DDX27: variants seen among roughly 807,000 people sequenced by gnomAD.
DDX27 encodes the protein DEAD-box helicase 27.
In DDX27, 42 loss-of-function variants were observed where a neutral mutation model predicts 99.3. The observed-to-expected ratio is 0.42, with a 90% CI of 0.33 to 0.55. The LOEUF (loss-of-function observed/expected upper bound fraction) is 0.55. DDX27 is among the 20% of genes least tolerant of loss of function. The pLI, the probability that DDX27 is intolerant of heterozygous loss-of-function variation, is 0.07. For missense variants in DDX27, 798 were observed against 976.8 expected (o/e 0.82, Z 2.44); for synonymous variants, 329 against 353.8 (o/e 0.93, Z 0.79).
chr20:49,225,195 T>C lies in DDX27; in HGVS notation c.596T>C (p.Leu199Pro). 1.2e-6 allele frequency: 2 copies of C among 1,613,810 alleles called. No homozygotes were observed. Among genetic ancestry groups the C allele is most frequent in the Admixed American group, 1.7e-5 (1 of 60,010 alleles). The change falls in exon 6 of 21, where the codon CTG becomes CCG. Residue 199 changes from leucine to proline, a missense_variant. By Grantham distance (98) the Leu-to-Pro change is moderately conservative. Around this residue, in one of 2 missense-constraint regions of DDX27, gnomAD observed 245 missense variants for 248.8 expected, o/e 0.98. Coordinates refer to ENST00000618172, the MANE Select transcript of DDX27 (RefSeq NM_017895.8). ...FQDMNLSRPL[L>P]KAITAMGFKQ... Reference sequence around the variant, plus strand: ...GACATGAACCTTTCCCGCCCTCTTCTGAAGGTAGCAGCTTCTTGTCAAAAA... The same window carrying C: ...GACATGAACCTTTCCCGCCCTCTTCCGAAGGTAGCAGCTTCTTGTCAAAAA...
chr20:49,224,845 A>C, intron 4 of DDX27, 100 bp from the exon 5 acceptor site: 1 of 1,320,380 alleles, frequency 7.6e-7, no homozygotes, highest in Non-Finnish European at 1.1e-6. Flanking sequence ...GTCACCCCTC[A>C]GAGGCTGAAG....
At position 49,230,312 on chromosome 20, in the gene DDX27, A is replaced by C. The variant is rs759850375; in HGVS notation, c.994A>C (p.Ser332Arg). ...CCACAACTGCCCTTCCTTCCACCTGAGCAGCATCGAGGTGCTCATCCTGGA... is the reference window on the plus strand; with the variant it reads ...CCACAACTGCCCTTCCTTCCACCTGCGCAGCATCGAGGTGCTCATCCTGGA... The part of the protein sequence containing the change: ...HLHNCPSFHL[S>R]SIEVLILDEA... Residue 332 changes from serine to arginine, a missense_variant, in exon 9 of 21, where the codon AGC becomes CGC. Ser to Arg is a moderately radical substitution (Grantham distance 110). Around this residue, in one of 2 missense-constraint regions of DDX27, gnomAD observed 553 missense variants for 727.9 expected, o/e 0.76. Coordinates refer to ENST00000618172, the MANE Select transcript of DDX27 (RefSeq NM_017895.8). The C allele has an allele frequency of 1.1e-5, 17 of 1,611,136 alleles. No individual in the cohort carries two copies. Among genetic ancestry groups the C allele is most frequent in the Non-Finnish European group, 1.4e-5 (17 of 1,179,960 alleles).
chr20:49,224,140 G>A (rs776975687), intron 4 of DDX27, among the ~76,000 whole-genome samples: 42 of 151,826 alleles, frequency 2.8e-4, no homozygotes, highest in Non-Finnish European at 5.7e-4. Flanking sequence ...ACCTCTAAAA[G>A]TGCTGGCATT....
intron 7 of DDX27, among the ~76,000 whole-genome samples, chr20:49,227,770 T>G (rs1979952616): frequency 6.6e-6 from 1 of 152,188 alleles, no homozygotes; most frequent in East Asian, 1.9e-4. Flanking sequence ...CATTTTCATT[T>G]AATCCTCTTG....
intron 7 of DDX27, among the ~76,000 whole-genome samples, chr20:49,227,468 G>A (rs1290072724): frequency 1.3e-5 from 2 of 152,028 alleles, no homozygotes; most frequent in African/African-American, 4.8e-5. Context: ...CTGTGTTCAG[G>A]TGATTCTCCT....
At chr20:49,225,344 A>T in intron 6 of DDX27, 145 bp downstream of exon 6, 1 of 696,390 alleles carries the variant, frequency 1.4e-6, no homozygotes, top group Non-Finnish European at 2.5e-6. Context: ...CCTGGCCAGT[A>T]GTGGCTTATT....
At chr20:49,230,018 A>C (rs1224532554) in intron 8 of DDX27, among the ~76,000 whole-genome samples, 181 bp from the exon 9 acceptor site, 1 of 152,030 alleles carries the variant, frequency 6.6e-6, no homozygotes. Context: ...CACAATTTTA[A>C]TGACATGATC....
chr20:49,225,160 C>G lies in DDX27; in HGVS notation c.561C>G (p.Leu187=), dbSNP rs765061022. The change falls in exon 6 of 21, where the codon CTC becomes CTG. Residue 187 remains leucine (L), a synonymous_variant. Coordinates refer to ENST00000618172, the MANE Select transcript of DDX27 (RefSeq NM_017895.8). The stretch of plus-strand genomic sequence containing the variant: ...ATGCATCTCAGTACGATGAAAACCT[C>G]TCGTTCCAGGACATGAACCTTTCCC... The part of the protein sequence containing the change: ...FEDASQYDEN[L]SFQDMNLSRP... The G allele has an allele frequency of 6.2e-7, 1 of 1,614,134 alleles. No homozygotes were observed. The highest frequency in any genetic ancestry group is 1.3e-5 in the African/African-American group (1 of 75,048).
At chr20:49,234,828 G>A in intron 11 of DDX27, 107 bp from the exon 12 acceptor site, 1 of 1,349,796 alleles carries the variant, frequency 7.4e-7, no homozygotes, top group Non-Finnish European at 1.0e-6. Context: ...GACAGTGCCT[G>A]TCTATCCAGT....
rs1207571266 is a variant in DDX27 at position 49,221,324 on chromosome 20, C to T, written c.94-128C>T. 3.7e-5 allele frequency: 38 copies of T among 1,025,694 alleles called. 1 individual carries two copies. The Admixed American group carries it at 9.2e-4, about 25-fold the overall frequency. The allele number at this position is 1,025,694 out of a possible 1,614,324, so 63.5% of individuals were successfully genotyped here. A position where few individuals can be genotyped will look rare whatever the true frequency, so the allele number is the denominator to read the frequency against. On this transcript the variant is annotated intron_variant, in intron 1 of 20. Transcript: ENST00000618172. ...GTCAGGCTGGTCTTGAACTCCTGACCTTGTCTGCGTGCCTTCGCCTCCTAA... is the reference window on the plus strand; with the variant it reads ...GTCAGGCTGGTCTTGAACTCCTGACTTTGTCTGCGTGCCTTCGCCTCCTAA...
rs375806974 is a variant in DDX27 at position 49,235,101 on chromosome 20, G to T, written c.1427+13G>T. 2 of 1,589,918 alleles carry T rather than the reference G, an allele frequency of 1.3e-6. No individual in the cohort carries two copies. Among genetic ancestry groups the T allele is most frequent in the Non-Finnish European group, 1.7e-6 (2 of 1,167,806 alleles). ...TGGAGGCCCTCCGGTAACATTTGGG[G>T]TGGGGACTGAGGCTCCCACCATCCT... On this transcript the variant is annotated intron_variant, in intron 12 of 20. Coordinates refer to ENST00000618172, the MANE Select transcript of DDX27 (RefSeq NM_017895.8).
intron 9 of DDX27, among the ~76,000 whole-genome samples, chr20:49,231,645 T>C (rs747886137): frequency 2.0e-5 from 3 of 152,144 alleles, no homozygotes; most frequent in Non-Finnish European, 4.4e-5. Context: ...ATTACTATTA[T>C]GTATAAAGAG....
At chr20:49,233,218 C>A in intron 9 of DDX27, 88 bp from the exon 10 acceptor site, 2 of 892,108 alleles carry the variant, frequency 2.2e-6, no homozygotes, top group Non-Finnish European at 3.6e-6. Flanking sequence ...CCAATGACAA[C>A]AAACAGCAGC....
chr20:49,222,005 C>A (rs911333894), intron 2 of DDX27, among the ~76,000 whole-genome samples: 1 of 152,068 alleles, frequency 6.6e-6, no homozygotes, highest in Admixed American at 6.6e-5. Context: ...TTCTGTGAAT[C>A]TGGTTAAACT....
Position 49,242,097 on chromosome 20 carries a change from T to C in DDX27, c.2007T>C (p.Ser669=), listed in dbSNP as rs1186156720. 1 of 1,614,160 alleles carries C rather than the reference T, an allele frequency of 6.2e-7. No homozygotes were observed. Among genetic ancestry groups the C allele is most frequent in the Non-Finnish European group, 8.5e-7 (1 of 1,180,022 alleles). Reference sequence around the variant, plus strand: ...ACTCCCCCTAGGCAGAGGAAAGGTCTCAGTTTGAAATCCTCAAGGCGCAGA... The same window carrying C: ...ACTCCCCCTAGGCAGAGGAAAGGTCCCAGTTTGAAATCCTCAAGGCGCAGA... ...KKGEMTAEER[S]QFEILKAQMF... Residue 669 remains serine (S), a synonymous_variant, in exon 18 of 21, where the codon TCT becomes TCC. Coordinates refer to ENST00000618172, the MANE Select transcript of DDX27 (RefSeq NM_017895.8).
chr20:49,223,632 G>C (rs1343743594), intron 4 of DDX27, among the ~76,000 whole-genome samples, 199 bp downstream of exon 4: 1 of 149,438 alleles, frequency 6.7e-6, no homozygotes, highest in Admixed American at 6.7e-5. Context: ...TGTAATCCCA[G>C]TACTTTGGGA....
At chr20:49,238,874 T>G in intron 14 of DDX27, 75 bp from the exon 15 acceptor site, 1 of 1,047,410 alleles carries the variant, frequency 9.5e-7, no homozygotes, top group Non-Finnish European at 1.4e-6. Flanking sequence ...TCTCCCAGAG[T>G]GCCGGGTTAC....
intron 14 of DDX27, chr20:49,238,110 C>T (rs1980362384): frequency 6.6e-6 from 1 of 151,892 alleles, no homozygotes; most frequent in Non-Finnish European, 1.5e-5. Flanking sequence ...CCTCTGCGTC[C>T]CGGGTTCAAG....
At chr20:49,242,288 G>A (rs746407086) in intron 18 of DDX27, 82 bp downstream of exon 18, 58 of 1,566,016 alleles carry the variant, frequency 3.7e-5, no homozygotes, top group Non-Finnish European at 4.9e-5. Flanking sequence ...AAATCTGAGG[G>A]ATGATGACAG....
Sources: gnomAD v4.1 joint callset for allele counts (sites outside exome capture counted in the v4.1 genomes callset) on GRCh38, gnomAD v4.1.1 for gene constraint, gnomAD v4.1.1 regional missense constraint, MANE v1.5 for transcripts, NCBI Gene and HGNC (gene_info 2026-07-23, HGNC 2026-07-21) for gene names.